Variants in SORCS1 observed in about 807,000 individuals in gnomAD.
SORCS1 encodes VPS10 domain-containing receptor SorCS1.
In SORCS1, 60 loss-of-function variants were observed where a neutral mutation model predicts 146.1. The ratio of observed to expected loss-of-function variants is 0.41; its 90% confidence interval spans 0.33 to 0.51. The LOEUF (loss-of-function observed/expected upper bound fraction) is 0.51. SORCS1 is among the 20% of genes least tolerant of loss of function. The pLI is 0.21. For missense variants in SORCS1, 1,352 were observed against 1,487.6 expected (o/e 0.91, Z 1.50); for synonymous variants, 637 against 584.0 (o/e 1.09, Z -1.31).
chr10:106,922,204 A>G (rs1247271397), intron 2 of SORCS1, among the ~76,000 whole-genome samples: 2 of 152,170 alleles, frequency 1.3e-5, no homozygotes, highest in African/African-American at 2.4e-5. Context: ...AAAGTTATGA[A>G]TTTCAGAGGC....
chr10:107,093,578 C>T (rs1964350272), intron 1 of SORCS1, among the ~76,000 whole-genome samples: 1 of 151,208 alleles, frequency 6.6e-6, no homozygotes, highest in South Asian at 2.1e-4. Flanking sequence ...GAGGCTGAGA[C>T]AGGAGAATCG....
intron 5 of SORCS1, among the ~76,000 whole-genome samples, chr10:106,760,736 C>CAT (rs1369879820): frequency 6.6e-6 from 1 of 150,632 alleles, no homozygotes; most frequent in Non-Finnish European, 1.5e-5. Flanking sequence ...CACACACACA[C>CAT]GCACATTTGG....
At chr10:106,614,494 G>A (rs1382695814) in intron 21 of SORCS1, among the ~76,000 whole-genome samples, 3 of 152,202 alleles carry the variant, frequency 2.0e-5, no homozygotes. Context: ...GGTCACCTAT[G>A]TGAATATTAC....
intron 23 of SORCS1, among the ~76,000 whole-genome samples, chr10:106,604,811 AC>A (rs1846462607): frequency 6.6e-6 from 1 of 152,088 alleles, no homozygotes; most frequent in African/African-American, 2.4e-5. Context: ...ATCTCTTCTT[AC>A]CATATAATGA....
intron 19 of SORCS1, among the ~76,000 whole-genome samples, chr10:106,625,628 A>T (rs916949764): frequency 2.4e-4 from 36 of 152,144 alleles, no homozygotes; most frequent in Non-Finnish European, 2.9e-5. Flanking sequence ...AATGGTCGAA[A>T]AACTACGTGG....
At chr10:106,819,500 C>T (rs375518171) in intron 3 of SORCS1, among the ~76,000 whole-genome samples, 4 of 152,060 alleles carry the variant, frequency 2.6e-5, no homozygotes, top group African/African-American at 9.7e-5. Context: ...GTATACGTGA[C>T]GAGTGCAGAA....
intron 2 of SORCS1, among the ~76,000 whole-genome samples, chr10:106,896,852 TACTC>T (rs1022615866): frequency 6.6e-6 from 1 of 151,716 alleles, no homozygotes; most frequent in African/African-American, 2.4e-5. Flanking sequence ...TCTGACACAT[TACTC>T]ACTCCATTTC....
At chr10:106,952,125 T>G (rs1465275089) in intron 2 of SORCS1, among the ~76,000 whole-genome samples, 1 of 152,186 alleles carries the variant, frequency 6.6e-6, no homozygotes, top group Admixed American at 6.5e-5. Context: ...TCTTCCCTGC[T>G]ATGTTAAACC....
At chr10:107,041,020 A>G (rs1959131910) in intron 1 of SORCS1, among the ~76,000 whole-genome samples, 1 of 152,162 alleles carries the variant, frequency 6.6e-6, no homozygotes, top group African/African-American at 2.4e-5. Context: ...AAAATCATTA[A>G]ATAATATTTT....
chr10:107,056,348 C>G (rs1265008156), intron 1 of SORCS1, among the ~76,000 whole-genome samples: 1 of 152,200 alleles, frequency 6.6e-6, no homozygotes, highest in Non-Finnish European at 1.5e-5. Context: ...AAGCATGAAG[C>G]ACGATCACTG....
intron 12 of SORCS1, among the ~76,000 whole-genome samples, 169 bp downstream of exon 12, chr10:106,679,087 T>C (rs1852243820): frequency 6.6e-6 from 1 of 151,982 alleles, no homozygotes; most frequent in Non-Finnish European, 1.5e-5. Context: ...CATAAATATT[T>C]GCTACACTCC....
intron 21 of SORCS1, among the ~76,000 whole-genome samples, chr10:106,617,668 T>C (rs185464401): frequency 5.2e-5 from 8 of 152,384 alleles, no homozygotes; most frequent in Admixed American, 2.6e-4. Context: ...CTAATTGTTA[T>C]GACCCTTCCA....
At chr10:106,732,528 C>T (rs1856670657) in intron 5 of SORCS1, among the ~76,000 whole-genome samples, 1 of 152,300 alleles carries the variant, frequency 6.6e-6, no homozygotes, top group East Asian at 1.9e-4. Flanking sequence ...TGGGCAGTTA[C>T]ATGTTGTTCA....
intron 1 of SORCS1, among the ~76,000 whole-genome samples, chr10:107,025,002 G>A (rs1958337315): frequency 6.6e-6 from 1 of 152,198 alleles, no homozygotes; most frequent in Admixed American, 6.5e-5. Flanking sequence ...ATCAGTACTA[G>A]AGTGTTGTGA....
chr10:106,650,527 C>T (rs1371247584), intron 18 of SORCS1, among the ~76,000 whole-genome samples: 1 of 152,118 alleles, frequency 6.6e-6, no homozygotes, highest in Non-Finnish European at 1.5e-5. Flanking sequence ...AGGAAAAAGG[C>T]CCTGTATGTG....
Position 106,864,935 on chromosome 10 carries a change from G to T in SORCS1, c.627-35262C>A, listed in dbSNP as rs370251741. On this transcript the variant is annotated intron_variant, in intron 2 of 25. Transcript: ENST00000263054. The stretch of plus-strand genomic sequence containing the variant: ...CACTGGGTGGGGCCTCCCAAACCAG[G>T]GTCTCCAGCCACCCTCAGTGGTGTT... 2.0e-5 allele frequency among the ~76,000 whole-genome samples: 3 copies of T among 149,594 alleles called. No homozygotes were observed. The East Asian group carries it at 6.0e-4, about 30-fold the overall frequency.
intron 22 of SORCS1, 44 bp downstream of exon 22, chr10:106,611,867 A>G: frequency 1.4e-6 from 2 of 1,413,112 alleles, no homozygotes; most frequent in Non-Finnish European, 2.0e-6. Context: ...TCAAGGACAG[A>G]GAGAAAAGGT....
At chr10:106,995,688 C>G (rs1956960841) in intron 1 of SORCS1, among the ~76,000 whole-genome samples, 1 of 151,998 alleles carries the variant, frequency 6.6e-6, no homozygotes, top group Non-Finnish European at 1.5e-5. Flanking sequence ...ACTGACATTG[C>G]TCAAAAAATA....
chr10:107,170,590 C>G, the SORCS1 span, among the ~76,000 whole-genome samples: 1 of 152,180 alleles, frequency 6.6e-6, no homozygotes, highest in Non-Finnish European at 1.5e-5. Flanking sequence ...ATAAAATGTA[C>G]AGTAGCCACT....
Sources: allele counts gnomAD v4.1 joint callset (sites outside exome capture counted in the v4.1 genomes callset), GRCh38; gene constraint gnomAD v4.1.1; transcripts MANE v1.5; gene names NCBI Gene and HGNC (gene_info 2026-07-23, HGNC 2026-07-21).